The following ZNF385B variants were observed in gnomAD, a reference collection of about 807,000 sequenced individuals.
The protein encoded by ZNF385B is zinc finger protein 385B, also known as zinc finger protein 533.
Under a neutral mutation model 39.2 loss-of-function variants are expected in ZNF385B, and 23 were observed. That is an observed-to-expected ratio of 0.59 (90% CI 0.42 to 0.83). The LOEUF (loss-of-function observed/expected upper bound fraction) is 0.83. Ranked by LOEUF, ZNF385B falls within the 40% of genes least tolerant of loss-of-function variation. ZNF385B has a pLI of 0.00. For synonymous variants in ZNF385B, 205 were observed against 222.6 expected, an observed-to-expected ratio of 0.92 and a Z score of 0.70; for missense variants, 552 against 598.9, an observed-to-expected ratio of 0.92 and a Z score of 0.82.
chr2:179,654,950 A>T (rs1559037210), intron 3 of ZNF385B, among the ~76,000 whole-genome samples: 1 of 152,170 alleles, frequency 6.6e-6, no homozygotes, highest in African/African-American at 2.4e-5. Context: ...TTTGAGGCAT[A>T]TGGAGACAGA....
intron 4 of ZNF385B, among the ~76,000 whole-genome samples, chr2:179,531,467 C>T (rs1350797523): frequency 6.6e-6 from 1 of 151,936 alleles, no homozygotes; most frequent in African/African-American, 2.4e-5. Flanking sequence ...AAAACCCCAT[C>T]TCTAGTAAAA....
At chr2:179,620,737 G>A (rs114333051) in intron 3 of ZNF385B, among the ~76,000 whole-genome samples, 246 of 152,220 alleles carry the variant, frequency 1.6e-3, no homozygotes, top group African/African-American at 5.6e-3. Flanking sequence ...GCTTCAATAT[G>A]CATACCAATT....
At chr2:179,775,121 T>C (rs1439015040) in intron 1 of ZNF385B, among the ~76,000 whole-genome samples, 1 of 152,188 alleles carries the variant, frequency 6.6e-6, no homozygotes, top group Non-Finnish European at 1.5e-5. Context: ...ACACAATTCC[T>C]TTCCCCAAAA....
intron 1 of ZNF385B, among the ~76,000 whole-genome samples, chr2:179,780,764 T>G (rs1243249793): frequency 6.6e-6 from 1 of 152,252 alleles, no homozygotes; most frequent in Non-Finnish European, 1.5e-5. Flanking sequence ...GTAAGGATAA[T>G]TTTTCCAAAA....
At chr2:179,513,106 T>C (rs998830651) in intron 5 of ZNF385B, among the ~76,000 whole-genome samples, 1 of 152,210 alleles carries the variant, frequency 6.6e-6, no homozygotes, top group African/African-American at 2.4e-5. Context: ...ACGTATTTTC[T>C]ACACTGAAGA....
chr2:179,732,530 C>T (rs1701463219), intron 3 of ZNF385B, among the ~76,000 whole-genome samples: 2 of 152,156 alleles, frequency 1.3e-5, no homozygotes, highest in African/African-American at 4.8e-5. Flanking sequence ...GTCAGCTGAT[C>T]ATAATATTAA....
chr2:179,681,253 G>A (rs954580892), intron 3 of ZNF385B, among the ~76,000 whole-genome samples: 2 of 151,670 alleles, frequency 1.3e-5, no homozygotes, highest in Admixed American at 6.6e-5. Flanking sequence ...ATTAAATAAC[G>A]TACATGAACA....
intron 4 of ZNF385B, among the ~76,000 whole-genome samples, chr2:179,537,081 C>T (rs538595500): frequency 8.6e-4 from 130 of 151,672 alleles, no homozygotes; most frequent in African/African-American, 2.9e-3. Flanking sequence ...GAGGCTGAGG[C>T]GGGAGGATCA....
chr2:179,443,169 C>T lies in ZNF385B; in HGVS notation c.*81G>A, dbSNP rs573719953. The T allele has an allele frequency of 9.1e-5, 141 of 1,550,972 alleles. No homozygotes were observed. In the African/African-American group the frequency reaches 1.7e-3, roughly 19 times the overall value. On this transcript the variant is annotated 3_prime_UTR_variant, in exon 10 of 10. Coordinates refer to ENST00000410066, the MANE Select transcript of ZNF385B (RefSeq NM_152520.6). The stretch of plus-strand genomic sequence containing the variant: ...TGGGTGAATGGGGGGTACTGCAACA[C>T]AAACTGCTTAAATTGCTGAATCCTT...
chr2:179,761,633 C>G (rs186182782), intron 3 of ZNF385B, among the ~76,000 whole-genome samples: 15 of 151,380 alleles, frequency 9.9e-5, no homozygotes, highest in African/African-American at 3.6e-4. Flanking sequence ...GTCTGGAGTA[C>G]AGTGGTGTGA....
chr2:179,787,020 G>A (rs184117372), intron 1 of ZNF385B, among the ~76,000 whole-genome samples: 521 of 152,084 alleles, frequency 3.4e-3, no homozygotes, highest in South Asian at 7.5e-3. Context: ...TTTCACACAC[G>A]TATTAACCAT....
At chr2:179,824,007 G>C (rs1384954672) in intron 1 of ZNF385B, among the ~76,000 whole-genome samples, 1 of 152,084 alleles carries the variant, frequency 6.6e-6, no homozygotes, top group Non-Finnish European at 1.5e-5. Flanking sequence ...GCTGAACAGT[G>C]TCACCAAGAC....
chr2:179,496,866 T>C (rs1196947287), intron 5 of ZNF385B, among the ~76,000 whole-genome samples: 3 of 152,160 alleles, frequency 2.0e-5, no homozygotes, highest in Non-Finnish European at 4.4e-5. Flanking sequence ...CTGGCCAACA[T>C]GGCAAAACCT....
chr2:179,696,326 C>CTTTATTTTTTTTTTTTTTTT (rs1698744523), intron 3 of ZNF385B, among the ~76,000 whole-genome samples: 1 of 40,354 alleles, frequency 2.5e-5, no homozygotes, highest in African/African-American at 1.0e-4. Context: ...CAAACTGGGA[C>CTTTATTTTTTTTTTTTTTTT]TTTTTTTTTT....
chr2:179,473,173 G>A (rs894911487), intron 6 of ZNF385B, among the ~76,000 whole-genome samples: 2 of 152,174 alleles, frequency 1.3e-5, no homozygotes, highest in African/African-American at 4.8e-5. Context: ...AGGTGAGGAA[G>A]ACCAAGAAGG....
At chr2:179,755,643 G>T (rs1022044118) in intron 3 of ZNF385B, among the ~76,000 whole-genome samples, 5 of 152,182 alleles carry the variant, frequency 3.3e-5, no homozygotes, top group Non-Finnish European at 7.4e-5. Context: ...ATATTTAGGA[G>T]AGTTAGCTCT....
chr2:179,470,467 C>A (rs2367646), intron 6 of ZNF385B, among the ~76,000 whole-genome samples: 1 of 148,866 alleles, frequency 6.7e-6, no homozygotes, highest in African/African-American at 2.5e-5. Context: ...GATGATTTTC[C>A]TTTGTGATAT....
At chr2:179,741,843 G>T (rs12693206) in intron 3 of ZNF385B, among the ~76,000 whole-genome samples, 148,502 of 152,106 alleles carry the variant, frequency 0.98, 72,572 homozygotes, top group Non-Finnish European at 1. Context: ...TCTGCCTCTC[G>T]GAGAAATCTA....
At chr2:179,661,517 T>C (rs1468731031) in intron 3 of ZNF385B, among the ~76,000 whole-genome samples, 2 of 152,206 alleles carry the variant, frequency 1.3e-5, no homozygotes, top group Non-Finnish European at 2.9e-5. Context: ...ATCTATATCT[T>C]ATTGATTCTG....
Sources: gnomAD v4.1 joint callset for allele counts (sites outside exome capture counted in the v4.1 genomes callset) on GRCh38, gnomAD v4.1.1 for gene constraint, MANE v1.5 for transcripts, NCBI Gene and HGNC (gene_info 2026-07-23, HGNC 2026-07-21) for gene names.